PGC: variants seen among roughly 807,000 people sequenced by gnomAD.
The protein encoded by PGC is gastricsin.
In PGC, 31 loss-of-function variants were observed where a neutral mutation model predicts 45.9. The observed-to-expected ratio is 0.67, with a 90% CI of 0.51 to 0.91. The LOEUF is 0.91. Ranked by LOEUF, PGC falls within the 40% of genes least tolerant of loss-of-function variation. The pLI is 0.00. For synonymous variants in PGC, 192 were observed against 201.8 expected, an observed-to-expected ratio of 0.95 and a Z score of 0.41; for missense variants, 477 against 493.2, an observed-to-expected ratio of 0.97 and a Z score of 0.31.
intron 8 of PGC, among the ~76,000 whole-genome samples, chr6:41,737,266 T>A (rs192027257): frequency 6.6e-6 from 1 of 152,232 alleles, no homozygotes; most frequent in Admixed American, 6.5e-5. Context: ...ACCTCCCTCC[T>A]GCTCCCAATT....
Position 41,740,333 on chromosome 6 carries a change from T to C in PGC, c.767+158A>G, listed in dbSNP as rs574410601. On this transcript the variant is annotated intron_variant, in intron 6 of 8. Transcript: ENST00000373025. ...CTCTTCTCCAGGCTGAGCTGGGCTTTGTCACCCCTGCAGAGGACAGTTGTG... is the reference window on the plus strand; with the variant it reads ...CTCTTCTCCAGGCTGAGCTGGGCTTCGTCACCCCTGCAGAGGACAGTTGTG... 5.9e-5 allele frequency among the ~76,000 whole-genome samples: 9 copies of C among 152,282 alleles called. No homozygotes were observed. The East Asian group carries it at 1.3e-3, about 23-fold the overall frequency.
intron 1 of PGC, 72 bp downstream of exon 1, chr6:41,747,203 GC>G: frequency 7.8e-7 from 1 of 1,279,998 alleles, no homozygotes; most frequent in East Asian, 2.3e-5. Context: ...GTGTCCCCTG[GC>G]CCAGTTGCCC....
At chr6:41,738,588 A>G (rs989382557) in intron 7 of PGC, among the ~76,000 whole-genome samples, 3 of 151,834 alleles carry the variant, frequency 2.0e-5, no homozygotes, top group Non-Finnish European at 4.4e-5. Flanking sequence ...AGATTGTGTC[A>G]CTGCACTCCA....
At position 41,741,501 on chromosome 6, in the gene PGC, C is replaced by G. The variant is rs553013819; in HGVS notation, c.647+789G>C. Among the ~76,000 whole-genome samples the G allele has an allele frequency of 7.8e-4, 119 of 152,280 alleles. 1 individual carries two copies. Among genetic ancestry groups the G allele is most frequent in the African/African-American group, 2.8e-3 (116 of 41,546 alleles). On this transcript the variant is annotated intron_variant, in intron 5 of 8. Coordinates refer to ENST00000373025, the MANE Select transcript of PGC (RefSeq NM_002630.4). ...TCTCTACTAAAAACACAAAAATTAG[C>G]CGAACACAGTGGCGCATGCCTGTAA...
intron 6 of PGC, 100 bp downstream of exon 6, chr6:41,740,391 C>G (rs1460422613): frequency 7.0e-7 from 1 of 1,428,808 alleles, no homozygotes; most frequent in East Asian, 2.4e-5. Flanking sequence ...GGGTCCTCTG[C>G]CCCATCCCAG....
chr6:41,737,660 ATTTCT>A (rs201999322), intron 8 of PGC, 65 bp downstream of exon 8: 22,195 of 898,006 alleles, frequency 0.025, 359 homozygotes, highest in Middle Eastern at 0.053. Flanking sequence ...GAGACCCAGC[ATTTCT>A]GGCTCCCCAG....
chr6:41,742,939 C>G (rs1278681677), intron 4 of PGC, among the ~76,000 whole-genome samples: 3 of 152,314 alleles, frequency 2.0e-5, no homozygotes. Flanking sequence ...TGCCTCTTGA[C>G]AGGTGTTGCA....
chr6:41,742,141 A>G (rs1452689584), intron 5 of PGC, 149 bp downstream of exon 5: 2 of 736,040 alleles, frequency 2.7e-6, no homozygotes, highest in Non-Finnish European at 4.6e-6. Flanking sequence ...GAGGAAGCCC[A>G]GGAAGGAAGG....
At chr6:41,742,214 G>A in intron 5 of PGC, 76 bp downstream of exon 5, 1 of 1,336,062 alleles carries the variant, frequency 7.5e-7, no homozygotes, top group Non-Finnish European at 1.1e-6. Flanking sequence ...CCAAAGCATT[G>A]AGCACTGAGC....
intron 4 of PGC, 119 bp downstream of exon 4, chr6:41,743,152 G>A: frequency 1.4e-6 from 1 of 738,516 alleles, no homozygotes; most frequent in Non-Finnish European, 2.5e-6. Flanking sequence ...GTCTTGTCCT[G>A]CCTTCCTGTC....
intron 3 of PGC, among the ~76,000 whole-genome samples, chr6:41,743,945 T>C (rs1771878099): frequency 6.6e-6 from 1 of 152,144 alleles, no homozygotes; most frequent in Admixed American, 6.5e-5. Flanking sequence ...AAAACCACTA[T>C]AGTACGGAGC....
At chr6:41,742,237 G>A in intron 5 of PGC, 53 bp downstream of exon 5, 1 of 1,529,574 alleles carries the variant, frequency 6.5e-7, no homozygotes, top group Non-Finnish European at 9.0e-7. Context: ...CAGTCGTCCA[G>A]GGCGGCCGGG....
At position 41,747,391 on chromosome 6, in the gene PGC, G is replaced by A; in HGVS notation, c.-57C>T. On this transcript the variant is annotated 5_prime_UTR_variant, in exon 1 of 9. Transcript: ENST00000373025. ...AGCAGCTCTGAGTTCTGCAGTCGCA[G>A]TGGAGTGAAGACCTGGGCACTCTTT... The A allele has an allele frequency of 7.0e-7, 1 of 1,438,346 alleles. No homozygotes were observed. Among genetic ancestry groups the A allele is most frequent in the South Asian group, 1.1e-5 (1 of 87,184 alleles). The allele number at this position is 1,438,346 out of a possible 1,614,324, so 89.1% of individuals were successfully genotyped here. A position where few individuals can be genotyped will look rare whatever the true frequency, so the allele number is the denominator to read the frequency against.
At chr6:41,739,263 T>C (rs1342783641) in intron 7 of PGC, among the ~76,000 whole-genome samples, 2 of 152,154 alleles carry the variant, frequency 1.3e-5, no homozygotes, top group African/African-American at 4.8e-5. Flanking sequence ...TCAGAAGAAA[T>C]TCCTGCCTAA....
intron 5 of PGC, 133 bp downstream of exon 5, chr6:41,742,157 G>A: frequency 3.7e-6 from 3 of 820,288 alleles, no homozygotes; most frequent in Non-Finnish European, 6.0e-6. Flanking sequence ...GAAGGCCCTG[G>A]AGCAAGACTG....
rs1771859572 is a variant in PGC at position 41,742,963 on chromosome 6, C to T, written c.447+308G>A. ...ACAGGTGTTGCAGGAGCCACCTCTC[C>T]TGCGTAGCCTTCCTTGACTGCCACA... On this transcript the variant is annotated intron_variant, in intron 4 of 8. Transcript: ENST00000373025. 3.9e-5 allele frequency among the ~76,000 whole-genome samples: 6 copies of T among 152,310 alleles called. No homozygotes were observed. In the South Asian group the frequency reaches 1.2e-3, roughly 32 times the overall value.
intron 4 of PGC, 84 bp from the exon 5 acceptor site, chr6:41,742,573 T>C: frequency 2.0e-6 from 2 of 975,772 alleles, no homozygotes; most frequent in South Asian, 1.3e-5. Flanking sequence ...CTCAAGCCTC[T>C]GTTCATCCCT....
chr6:41,743,513 C>T (rs1771871581), intron 3 of PGC, 124 bp from the exon 4 acceptor site: 4 of 699,720 alleles, frequency 5.7e-6, no homozygotes, highest in East Asian at 2.5e-5. Flanking sequence ...GACCTCAGCA[C>T]CCCTGGTTGC....
chr6:41,744,290 A>C lies in PGC; in HGVS notation c.328+107T>G, dbSNP rs1315412130. The C allele has an allele frequency of 2.8e-6, 2 of 722,674 alleles. No individual in the cohort carries two copies. The highest frequency in any genetic ancestry group is 3.5e-5 in the African/African-American group (2 of 56,808). The allele number at this position is 722,674 out of a possible 1,614,324, so 44.8% of individuals were successfully genotyped here. On this transcript the variant is annotated intron_variant, in intron 3 of 8. Transcript: ENST00000373025. This position sits in a 1 kb window ranked among gnomAD's most constrained non-coding sequence, Gnocchi z 4.4. ...GCACATGTCCCTGGTCCTCCCCAGG[A>C]CTGAGCTCCCCTCAGTCCTGAGCTC...
Sources: allele counts gnomAD v4.1 joint callset (sites outside exome capture counted in the v4.1 genomes callset), GRCh38; gene constraint gnomAD v4.1.1; non-coding constraint Gnocchi (gnomAD v3.1); transcripts MANE v1.5; gene names NCBI Gene and HGNC (gene_info 2026-07-23, HGNC 2026-07-21).